Variants in EDA observed in about 807,000 individuals in gnomAD.
EDA encodes ectodysplasin-A.
Under a neutral mutation model 23.6 loss-of-function variants are expected in EDA, and 2 were observed. That is an observed-to-expected ratio of 0.08 (90% confidence interval 0.03 to 0.27). EDA has a LOEUF of 0.27. EDA is among the 10% of genes least tolerant of loss of function. The pLI, the probability that EDA is intolerant of heterozygous loss-of-function variation, is 1.00. For missense variants in EDA, 229 were observed against 324.2 expected (o/e 0.71, Z 2.26); for synonymous variants, 131 against 132.0 (o/e 0.99, Z 0.05).
chrX:69,778,650 G>T (rs1251791292), intron 1 of EDA, among the ~76,000 whole-genome samples: 1 of 111,417 alleles, frequency 9.0e-6, no homozygotes, highest in Non-Finnish European at 1.9e-5. Flanking sequence ...AGTAATCATG[G>T]TTTATACATA....
At chrX:69,993,357 A>T (rs2019616277) in intron 2 of EDA, among the ~76,000 whole-genome samples, 1 of 111,363 alleles carries the variant, frequency 9.0e-6, no homozygotes, top group African/African-American at 3.3e-5. Flanking sequence ...AGGGGTAGGG[A>T]TTAACACTGA....
At chrX:70,023,707 G>T (rs1300519887) in intron 3 of EDA, among the ~76,000 whole-genome samples, 3 of 109,743 alleles carry the variant, frequency 2.7e-5, no homozygotes, top group Non-Finnish European at 5.7e-5. Flanking sequence ...GTGTCACCAT[G>T]TAGGAACTAG....
intron 1 of EDA, among the ~76,000 whole-genome samples, chrX:69,888,463 G>A (rs758063301): frequency 1.9e-5 from 2 of 107,471 alleles, no homozygotes; most frequent in Admixed American, 1.0e-4. Flanking sequence ...TACCTTGAAT[G>A]TATAGGGATT....
At chrX:69,954,566 A>T (rs2018973080) in intron 1 of EDA, among the ~76,000 whole-genome samples, 1 of 112,338 alleles carries the variant, frequency 8.9e-6, no homozygotes, top group South Asian at 3.8e-4. Flanking sequence ...GAATTAAATC[A>T]CATATTATAA....
intron 2 of EDA, among the ~76,000 whole-genome samples, chrX:69,990,324 G>C (rs1223294631): frequency 9.4e-6 from 1 of 106,029 alleles, no homozygotes; most frequent in Non-Finnish European, 1.9e-5. Context: ...AGAGCTTCTC[G>C]TTACTGCTAG....
At chrX:69,796,017 A>G (rs1299613085) in intron 1 of EDA, among the ~76,000 whole-genome samples, 2 of 111,746 alleles carry the variant, frequency 1.8e-5, no homozygotes, top group African/African-American at 6.5e-5. Flanking sequence ...AGCACTTACC[A>G]GCATAGCACC....
intron 1 of EDA, among the ~76,000 whole-genome samples, chrX:69,637,245 A>C (rs186619589): frequency 9.0e-6 from 1 of 111,706 alleles, no homozygotes; most frequent in Admixed American, 9.5e-5. Context: ...AAATCTATAT[A>C]TAGATCTGTG....
At chrX:69,840,223 G>A (rs1022758719) in intron 1 of EDA, among the ~76,000 whole-genome samples, 3 of 110,581 alleles carry the variant, frequency 2.7e-5, no homozygotes, top group Admixed American at 9.7e-5. Flanking sequence ...CATGGCCAGC[G>A]AGAGACAGCA....
chrX:69,810,569 C>T (rs1157733102), intron 1 of EDA, among the ~76,000 whole-genome samples: 5 of 108,060 alleles, frequency 4.6e-5, no homozygotes, highest in South Asian at 4.1e-4. Context: ...CCAGCCTGGC[C>T]AACATGGTGA....
At chrX:69,684,694 T>A (rs1934487969) in intron 1 of EDA, among the ~76,000 whole-genome samples, 1 of 112,534 alleles carries the variant, frequency 8.9e-6, no homozygotes, top group African/African-American at 3.2e-5. Flanking sequence ...AGTAAATCTA[T>A]GAAAATGAAT....
At chrX:69,822,706 T>C (rs1311652659) in intron 1 of EDA, among the ~76,000 whole-genome samples, 1 of 111,297 alleles carries the variant, frequency 9.0e-6, no homozygotes, top group Non-Finnish European at 1.9e-5. Context: ...ATTTATTTAT[T>C]ATTATTATAC....
intron 1 of EDA, among the ~76,000 whole-genome samples, chrX:69,951,069 G>T (rs1303553555): frequency 3.6e-4 from 35 of 97,928 alleles, no homozygotes; most frequent in Non-Finnish European, 5.3e-4. Flanking sequence ...TGTGCACATG[G>T]ACCCTAAAAC....
At chrX:69,895,369 T>C (rs2017996770) in intron 1 of EDA, among the ~76,000 whole-genome samples, 1 of 98,513 alleles carries the variant, frequency 1.0e-5, no homozygotes, top group Non-Finnish European at 2.0e-5. Flanking sequence ...CCTCACCCCA[T>C]CCCTTCTTTG....
intron 1 of EDA, among the ~76,000 whole-genome samples, chrX:69,806,045 T>A (rs1426328308): frequency 3.6e-5 from 4 of 111,557 alleles, no homozygotes; most frequent in Non-Finnish European, 7.5e-5. Flanking sequence ...GGCATTATCC[T>A]CCGTATACAG....
intron 1 of EDA, among the ~76,000 whole-genome samples, chrX:69,889,107 CTTG>C (rs1421444496): frequency 1.0e-5 from 1 of 96,778 alleles, no homozygotes; most frequent in Admixed American, 1.2e-4. Flanking sequence ...TTTACCAAAA[CTTG>C]TTATTTTCTG....
intron 1 of EDA, among the ~76,000 whole-genome samples, chrX:69,909,852 A>G (rs1158016413): frequency 8.9e-6 from 1 of 112,290 alleles, no homozygotes; most frequent in African/African-American, 3.2e-5. Flanking sequence ...GCATTCTAGT[A>G]TCCCCTATTA....
chrX:69,958,309 G>T (rs2019047437), intron 2 of EDA, among the ~76,000 whole-genome samples: 1 of 111,525 alleles, frequency 9.0e-6, no homozygotes, highest in Admixed American at 9.5e-5. Context: ...GTGTCTGGAG[G>T]GTTACAAAGC....
intron 1 of EDA, among the ~76,000 whole-genome samples, chrX:69,691,767 T>TGATA: frequency 8.9e-6 from 1 of 111,964 alleles, no homozygotes; most frequent in South Asian, 3.6e-4. Context: ...ATGAACTTTA[T>TGATA]GATAGTTCAG....
chrX:69,729,865 G>C (rs1025094519), intron 1 of EDA, among the ~76,000 whole-genome samples: 2 of 110,406 alleles, frequency 1.8e-5, no homozygotes, highest in Admixed American at 1.9e-4. Context: ...ACTTCTTTTG[G>C]GTCTCTCTTC....
Sources: gnomAD v4.1 joint callset for allele counts (sites outside exome capture counted in the v4.1 genomes callset) on GRCh38, gnomAD v4.1.1 for gene constraint, MANE v1.5 for transcripts, NCBI Gene and HGNC (gene_info 2026-07-23, HGNC 2026-07-21) for gene names.